ARR3: variants seen among roughly 807,000 people sequenced by gnomAD.
ARR3 encodes the protein arrestin-C.
ARR3 carries 14 observed loss-of-function variants against 35.4 expected under a neutral mutation model. That is an observed-to-expected ratio of 0.40 (90% CI 0.26 to 0.62). The LOEUF (loss-of-function observed/expected upper bound fraction) is 0.62, where lower values mean the gene tolerates loss of function less well. Ranked by LOEUF, ARR3 falls within the 20% of genes least tolerant of loss-of-function variation. The pLI, the probability that ARR3 is intolerant of heterozygous loss-of-function variation, is 0.46. For synonymous variants in ARR3, 97 were observed against 119.1 expected (o/e 0.81, Z 1.21); for missense variants, 259 against 303.8 (o/e 0.85, Z 1.10).
Position 70,280,567 on chromosome X carries a change from G to C in ARR3, c.998G>C (p.Gly333Ala). The change falls in exon 14 of 17, where the codon GGA becomes GCA. Residue 333 changes from glycine to alanine, a missense_variant. Physicochemically the swap from Gly to Ala is moderately conservative, Grantham distance 60. Coordinates refer to ENST00000307959, the MANE Select transcript of ARR3 (RefSeq NM_004312.3). Reference protein sequence around the residue: ...NLMVSCGGILGDLTASDVGVE... With the variant: ...NLMVSCGGILADLTASDVGVE... ...TGTCATTCTACCCACAGCATCCTAG[G>C]AGACCTGACAGCCAGGTGAGAGACT... 8.3e-7 allele frequency: 1 copy of C among 1,203,323 alleles called. No homozygotes were observed. The highest frequency in any genetic ancestry group is 1.1e-6 in the Non-Finnish European group (1 of 891,610).
chrX:70,275,340 T>A (rs927651820), intron 5 of ARR3, among the ~76,000 whole-genome samples: 1 of 112,410 alleles, frequency 8.9e-6, no homozygotes, highest in Non-Finnish European at 1.9e-5. Flanking sequence ...TTTATCTGAT[T>A]ACTCACGAGA....
rs1057511450 is a variant in ARR3, at chrX:70,281,011, G to T, written c.1067-88G>T. 1.0e-4 allele frequency: 92 copies of T among 914,786 alleles called. 1 individual carries two copies. The highest frequency in any genetic ancestry group is 6.0e-4 in the Middle Eastern group (2 of 3,320). The allele number at this position is 914,786 out of a possible 1,213,427, so 75.4% of individuals were successfully genotyped here. A position where few individuals can be genotyped will look rare whatever the true frequency, so the allele number is the denominator to read the frequency against. ...CAAAGGATTGGGAAGTTGGGGGGGG[G>T]GGAAGTAAAGATACTTCTTCAGGGA... On this transcript the variant is annotated intron_variant, in intron 15 of 16. Transcript: ENST00000307959.
In ARR3 at chrX:70,276,679, T is replaced by C. The variant is rs757063248; in HGVS notation, c.416T>C (p.Ile139Thr). ...CTTGTCCCTTTACAGCCCTGTGGGA[T>C]TGACTTTGAAGTGAAGAGTTTCTGT... ...GPEDAGKPCGIDFEVKSFCAE... is the reference protein window; with the variant it reads ...GPEDAGKPCGTDFEVKSFCAE... Residue 139 changes from isoleucine (I) to threonine (T), a missense_variant, in exon 8 of 17, where the codon ATT becomes ACT. By Grantham distance (89) the Ile-to-Thr change is moderately conservative (BLOSUM62 -1). Transcript: ENST00000307959. 18 of 1,209,897 alleles carry C rather than the reference T, an allele frequency of 1.5e-5. No individual in the cohort carries two copies. The highest frequency in any genetic ancestry group is 1.1e-6 in the Non-Finnish European group (1 of 894,976).
In ARR3 at chrX:70,277,413, G is replaced by A. The variant is rs911600403; in HGVS notation, c.493G>A (p.Val165Ile). Reference sequence around the variant, plus strand: ...GCTCAGAGACTATGTGCGGCTGGTTGTCCGGAAAGTACAATTTGCACCACC... The same window carrying A: ...GCTCAGAGACTATGTGCGGCTGGTTATCCGGAAAGTACAATTTGCACCACC... ...VSKRDYVRLVVRKVQFAPPEA... is the reference protein window; with the variant it reads ...VSKRDYVRLVIRKVQFAPPEA... The change falls in exon 9 of 17, where the codon GTC (valine) becomes ATC (isoleucine). Residue 165 changes from valine (V) to isoleucine (I), a missense_variant. Coordinates refer to ENST00000307959, the MANE Select transcript of ARR3 (RefSeq NM_004312.3). 7.4e-6 allele frequency: 9 copies of A among 1,211,350 alleles called. No individual in the cohort carries two copies. Among genetic ancestry groups the A allele is most frequent in the South Asian group, 1.8e-5 (1 of 56,823 alleles).
intron 15 of ARR3, 96 bp from the exon 16 acceptor site, chrX:70,281,003 G>GGA (rs1555941778): frequency 7.1e-5 from 27 of 382,975 alleles, no homozygotes; most frequent in Non-Finnish European, 8.1e-5. Flanking sequence ...TTGGGAAGTT[G>GGA]GGGGGGGGGG....
intron 14 of ARR3, 69 bp downstream of exon 14, chrX:70,280,651 A>G: frequency 8.4e-7 from 1 of 1,192,488 alleles, no homozygotes; most frequent in Admixed American, 2.2e-5. Context: ...GAGCAAAATA[A>G]TGATTGATTC....
chrX:70,280,496 G>A (rs1364840974), intron 13 of ARR3, 63 bp from the exon 14 acceptor site: 1 of 1,128,734 alleles, frequency 8.9e-7, no homozygotes, highest in East Asian at 3.0e-5. Flanking sequence ...TCATCCCCTT[G>A]TGAAACTAGG....
rs745489419 is a variant in ARR3, at chrX:70,278,540, C to A, written c.804C>A (p.Ser268Arg). The change falls in exon 12 of 17, where the codon AGC (serine) becomes AGA (arginine). Residue 268 changes from serine (S) to arginine (R), a missense_variant. Ser to Arg is a moderately radical substitution (Grantham distance 110). Transcript: ENST00000307959. ...TVAANSSFSQ[S>R]FAVTPILAAS... The stretch of plus-strand genomic sequence containing the variant: ...CTGCTAATTCCAGCTTCTCCCAGAG[C>A]TTTGCAGTAACCCCAATCCTGGCTG... 2 of 1,211,750 alleles carry A rather than the reference C, an allele frequency of 1.7e-6. No homozygotes were observed. Among genetic ancestry groups the A allele is most frequent in the Admixed American group, 2.2e-5 (1 of 46,080 alleles).
intron 11 of ARR3, 35 bp from the exon 12 acceptor site, chrX:70,278,469 C>T (rs1360147839): frequency 8.3e-7 from 1 of 1,198,309 alleles, no homozygotes. Context: ...GTCAGCAAGC[C>T]CAGCCTAAAT....
intron 2 of ARR3, 34 bp downstream of exon 2, chrX:70,269,427 A>T (rs373992988): frequency 1.8e-5 from 20 of 1,141,829 alleles, no homozygotes; most frequent in Non-Finnish European, 2.4e-5. Flanking sequence ...GAACCTGTGA[A>T]TTGCTCCCTA....
intron 7 of ARR3, 66 bp downstream of exon 7, chrX:70,276,558 A>T: frequency 8.5e-7 from 1 of 1,178,228 alleles, no homozygotes; most frequent in Non-Finnish European, 1.2e-6. Context: ...GGGACAGTCA[A>T]GACTGGAGAA....
At position 70,276,059 on chromosome X, in the gene ARR3, C is replaced by T. The variant is rs367572028; in HGVS notation, c.146-23C>T. On this transcript the variant is annotated intron_variant, in intron 5 of 16. Transcript: ENST00000307959. ...CTTCCCACTCAGGCCTGACAGACCA[C>T]TCTCTTCCTCCTATGCCTGCAGTGT... The T allele has an allele frequency of 3.3e-6, 4 of 1,207,998 alleles. No individual in the cohort carries two copies. The South Asian group carries it at 5.3e-5, about 16-fold the overall frequency.
intron 5 of ARR3, among the ~76,000 whole-genome samples, chrX:70,273,103 T>A (rs1410927974): frequency 9.0e-6 from 1 of 111,091 alleles, no homozygotes; most frequent in Non-Finnish European, 1.9e-5. Flanking sequence ...AAATCTTAGA[T>A]ACCTGTTACA....
At chrX:70,269,595 C>T (rs2085621497) in intron 2 of ARR3, 67 bp from the exon 3 acceptor site, 2 of 1,139,215 alleles carry the variant, frequency 1.8e-6, no homozygotes, top group East Asian at 6.1e-5. Context: ...CTCCCCAATT[C>T]CCTTATTTCC....
chrX:70,281,475 G>A (rs1025906559), intron 16 of ARR3, among the ~76,000 whole-genome samples: 11 of 110,453 alleles, frequency 1.0e-4, no homozygotes, highest in African/African-American at 3.3e-4. Context: ...GGGGACTTTT[G>A]TGCTGGGAAA....
rs758784151 is a variant in ARR3, at chrX:70,277,678, T to G, written c.610-38T>G. ...TTCTAGGTCTCCATCTGCGTATTCG[T>G]CCTCCAGCCTTGACATGGGTCCCCG... On this transcript the variant is annotated intron_variant, in intron 9 of 16. Transcript: ENST00000307959. The G allele has an allele frequency of 3.1e-5, 37 of 1,188,811 alleles. No homozygotes were observed. The African/African-American group carries it at 5.1e-4, about 16-fold the overall frequency.
chrX:70,275,187 T>C (rs892508034), intron 5 of ARR3, among the ~76,000 whole-genome samples: 6 of 112,665 alleles, frequency 5.3e-5, no homozygotes, highest in African/African-American at 1.9e-4. Context: ...GTCTTCCAAA[T>C]TGGTTGCATT....
intron 5 of ARR3, among the ~76,000 whole-genome samples, chrX:70,273,214 C>CTTTTTTTTTTTTTTTTTTTTTT: frequency 2.4e-5 from 1 of 41,626 alleles, no homozygotes; most frequent in Non-Finnish European, 4.0e-5. Context: ...GAAAGGATTC[C>CTTTTTTTTTTTTTTTTTTTTTT]TTTTTTTTTT....
rs759765342 is a variant in ARR3 at position 70,278,625 on chromosome X, C to A, written c.889C>A (p.Leu297Met). 2.5e-6 allele frequency: 3 copies of A among 1,211,243 alleles called. No homozygotes were observed. Among genetic ancestry groups the A allele is most frequent in the African/African-American group, 1.7e-5 (1 of 57,905 alleles). Residue 297 changes from leucine to methionine, a missense_variant, in exon 12 of 17, where the codon CTG becomes ATG. Transcript: ENST00000307959. Reference protein sequence around the residue: ...DGKLKHEDTNLASSTIIRPGM... With the variant: ...DGKLKHEDTNMASSTIIRPGM... ...CAAACTTAAGCATGAAGATACCAAC[C>A]TGGCCTCTAGCACAATGTAAGCTCA...
Sources: gnomAD v4.1 joint callset for allele counts (sites outside exome capture counted in the v4.1 genomes callset) on GRCh38, gnomAD v4.1.1 for gene constraint, MANE v1.5 for transcripts, NCBI Gene and HGNC (gene_info 2026-07-23, HGNC 2026-07-21) for gene names.